DCC: variants seen among roughly 807,000 people sequenced by gnomAD.
The protein encoded by DCC is DCC netrin 1 receptor.
A neutral mutation model predicts 172.5 loss-of-function variants in DCC; 58 were observed. The ratio of observed to expected loss-of-function variants is 0.34; its 90% CI spans 0.27 to 0.42. The LOEUF (loss-of-function observed/expected upper bound fraction) is 0.42, where lower values mean the gene tolerates loss of function less well. DCC is among the 10% of genes least tolerant of loss of function. The pLI is 1.00. For synonymous variants in DCC, 709 were observed against 644.5 expected, an observed-to-expected ratio of 1.10 and a Z score of -1.52; for missense variants, 1,740 against 1,791.0, an observed-to-expected ratio of 0.97 and a Z score of 0.51.
At chr18:52,759,293 A>G (rs2037123016) in intron 2 of DCC, among the ~76,000 whole-genome samples, 1 of 152,208 alleles carries the variant, frequency 6.6e-6, no homozygotes, top group Non-Finnish European at 1.5e-5. Flanking sequence ...AAATTAAAAT[A>G]CAAATATATT....
At chr18:53,316,802 C>T (rs2057348893) in intron 13 of DCC, among the ~76,000 whole-genome samples, 1 of 152,136 alleles carries the variant, frequency 6.6e-6, no homozygotes, top group Admixed American at 6.5e-5. Context: ...ATTTTGTATC[C>T]TGAGACTTTG....
At chr18:52,812,480 G>C (rs2038220368) in intron 2 of DCC, among the ~76,000 whole-genome samples, 1 of 152,258 alleles carries the variant, frequency 6.6e-6, no homozygotes, top group Middle Eastern at 3.4e-3. Context: ...CATCAGAAAG[G>C]CAGAAACACA....
chr18:52,871,855 C>G (rs912104370), intron 2 of DCC, among the ~76,000 whole-genome samples: 1 of 152,122 alleles, frequency 6.6e-6, no homozygotes, highest in Non-Finnish European at 1.5e-5. Context: ...CACTCAAATT[C>G]TTTTCTCTCA....
At chr18:52,679,341 C>A (rs2035701382) in intron 1 of DCC, among the ~76,000 whole-genome samples, 1 of 152,002 alleles carries the variant, frequency 6.6e-6, no homozygotes, top group African/African-American at 2.4e-5. Flanking sequence ...TACAGATCAG[C>A]TTTACATTTT....
At chr18:52,776,144 CAGAG>C (rs1568095704) in intron 2 of DCC, among the ~76,000 whole-genome samples, 2 of 152,212 alleles carry the variant, frequency 1.3e-5, no homozygotes, top group East Asian at 3.9e-4. Context: ...TGCAACACAA[CAGAG>C]AAAGGCAAAA....
chr18:53,167,722 A>G (rs2054943771), intron 8 of DCC, among the ~76,000 whole-genome samples: 1 of 152,224 alleles, frequency 6.6e-6, no homozygotes, highest in African/African-American at 2.4e-5. Context: ...AATAATTTAC[A>G]GTGAAGTCAA....
At chr18:53,226,948 A>ATATATATTTTTTTTTTTTT in intron 12 of DCC, among the ~76,000 whole-genome samples, 5 of 52,954 alleles carry the variant, frequency 9.4e-5, no homozygotes, top group African/African-American at 2.8e-4. Flanking sequence ...ATATATATAT[A>ATATATATTTTTTTTTTTTT]TTTTTTTTTT....
At chr18:52,707,341 C>A (rs78884032) in intron 1 of DCC, among the ~76,000 whole-genome samples, 8,337 of 152,166 alleles carry the variant, frequency 0.055, 305 homozygotes, top group South Asian at 0.15. Flanking sequence ...TTATACCTTT[C>A]TAAGTTATTT....
intron 12 of DCC, chr18:53,237,089 A>G (rs1165738997): frequency 6.6e-6 from 1 of 152,018 alleles, no homozygotes; most frequent in East Asian, 1.9e-4. Context: ...CCACAAATAT[A>G]TATATATTAT....
chr18:52,380,024 A>C (rs1985517786), intron 1 of DCC, among the ~76,000 whole-genome samples: 2 of 152,048 alleles, frequency 1.3e-5, no homozygotes, highest in Non-Finnish European at 2.9e-5. Context: ...CTTTGATTCC[A>C]AGAGGGTACC....
intron 21 of DCC, among the ~76,000 whole-genome samples, chr18:53,417,116 C>T (rs1412225780): frequency 1.3e-5 from 2 of 152,166 alleles, no homozygotes; most frequent in Non-Finnish European, 2.9e-5. Flanking sequence ...TCATAAGGCA[C>T]CATGTCGTGA....
At chr18:52,896,895 A>C (rs750136512) in intron 2 of DCC, among the ~76,000 whole-genome samples, 2 of 152,096 alleles carry the variant, frequency 1.3e-5, no homozygotes, top group Non-Finnish European at 2.9e-5. Flanking sequence ...GATTCTGTGC[A>C]GTGCCTTTAT....
chr18:53,230,664 C>A (rs1291393100), intron 12 of DCC, among the ~76,000 whole-genome samples: 1 of 151,640 alleles, frequency 6.6e-6, no homozygotes, highest in Non-Finnish European at 1.5e-5. Context: ...CTAATTAGAC[C>A]AGTTAGTAAT....
At chr18:53,243,096 A>G (rs1314707659) in intron 12 of DCC, among the ~76,000 whole-genome samples, 1 of 152,162 alleles carries the variant, frequency 6.6e-6, no homozygotes, top group Non-Finnish European at 1.5e-5. Context: ...TTCTGGATTG[A>G]AAAGAAAAGC....
chr18:52,795,977 C>T (rs1178797043), intron 2 of DCC, among the ~76,000 whole-genome samples: 1 of 151,454 alleles, frequency 6.6e-6, no homozygotes, highest in African/African-American at 2.4e-5. Context: ...ATTGCTATAT[C>T]CTCCTGCTAA....
At chr18:53,426,067 C>G (rs1275540860) in intron 21 of DCC, among the ~76,000 whole-genome samples, 1 of 151,510 alleles carries the variant, frequency 6.6e-6, no homozygotes, top group African/African-American at 2.4e-5. Context: ...GGTTCTCTAC[C>G]TAATAAATCA....
intron 5 of DCC, among the ~76,000 whole-genome samples, chr18:52,999,089 G>A (rs2041526706): frequency 6.6e-6 from 1 of 152,082 alleles, no homozygotes; most frequent in Non-Finnish European, 1.5e-5. Flanking sequence ...AATGCAAAGG[G>A]ACTGAATGTA....
At chr18:53,289,762 G>C (rs1410819707) in intron 12 of DCC, among the ~76,000 whole-genome samples, 2 of 152,078 alleles carry the variant, frequency 1.3e-5, no homozygotes, top group South Asian at 2.1e-4. Flanking sequence ...TGCATCTGAC[G>C]TGATGCTTCA....
At chr18:52,569,592 A>G (rs945016739) in intron 1 of DCC, among the ~76,000 whole-genome samples, 12 of 152,174 alleles carry the variant, frequency 7.9e-5, no homozygotes, top group African/African-American at 2.9e-4. Context: ...GGATACTTGC[A>G]TTAACTTCAC....
Sources: gnomAD v4.1 joint callset for allele counts (sites outside exome capture counted in the v4.1 genomes callset) on GRCh38, gnomAD v4.1.1 for gene constraint, MANE v1.5 for transcripts, NCBI Gene and HGNC (gene_info 2026-07-23, HGNC 2026-07-21) for gene names.